The following FREM2 variants were observed in gnomAD, a reference collection of about 807,000 sequenced individuals.
The protein encoded by FREM2 is FRAS1-related extracellular matrix protein 2.
Under a neutral mutation model 219.9 loss-of-function variants are expected in FREM2, and 119 were observed. That is an observed-to-expected ratio of 0.54 (90% CI 0.47 to 0.63). FREM2 has a LOEUF of 0.63. Ranked by LOEUF, FREM2 falls within the 30% of genes least tolerant of loss-of-function variation. FREM2 has a pLI of 0.00. For synonymous variants in FREM2, 1,562 were observed against 1,522.8 expected, an observed-to-expected ratio of 1.03 and a Z score of -0.60; for missense variants, 4,030 against 3,993.6, an observed-to-expected ratio of 1.01 and a Z score of -0.25.
At chr13:38,797,301 C>T (rs929872802) in intron 6 of FREM2, among the ~76,000 whole-genome samples, 6 of 151,962 alleles carry the variant, frequency 3.9e-5, no homozygotes, top group East Asian at 3.9e-4. Flanking sequence ...GCCAGTCTAA[C>T]GGGTAAGATG....
Position 38,850,955 on chromosome 13 carries a change from A to G in FREM2, c.6589A>G (p.Lys2197Glu), listed in dbSNP as rs1877346406. 3 of 1,612,340 alleles carry G rather than the reference A, an allele frequency of 1.9e-6. No individual in the cohort carries two copies. The highest frequency in any genetic ancestry group is 1.7e-6 in the Non-Finnish European group (2 of 1,179,910). Residue 2197 changes from lysine to glutamate, a missense_variant, in exon 10 of 24, where the codon AAG becomes GAG. This residue lies in a region of FREM2 where 3,102 missense variants were observed against 2,950.7 expected (regional missense o/e 1.05). Transcript: ENST00000280481. ...IITFLPGETE[K>E]PCILELMDDV... ...CATTATTGTTCCAGGTGAGACAGAA[A>G]AGCCCTGCATTCTTGAGCTGATGGA... is the stretch of plus-strand genomic sequence containing the variant.
At chr13:38,754,886 G>T (rs574186048) in intron 2 of FREM2, among the ~76,000 whole-genome samples, 451 of 82,836 alleles carry the variant, frequency 5.4e-3, no homozygotes, top group African/African-American at 7.5e-3. Flanking sequence ...TGATGATGAT[G>T]ATGATGATGA....
intron 7 of FREM2, among the ~76,000 whole-genome samples, chr13:38,847,182 T>G (rs1408113305): frequency 1.3e-5 from 2 of 150,206 alleles, no homozygotes; most frequent in African/African-American, 4.9e-5. Flanking sequence ...AAAGGTTTTT[T>G]CCACACTTCG....
chr13:38,700,013 A>G (rs1870279934), intron 2 of FREM2, among the ~76,000 whole-genome samples: 1 of 152,000 alleles, frequency 6.6e-6, no homozygotes, highest in African/African-American at 2.4e-5. Context: ...AAAATTGAGA[A>G]CTCTGTATGT....
intron 3 of FREM2, among the ~76,000 whole-genome samples, chr13:38,766,071 T>G (rs1157832554): frequency 6.6e-6 from 1 of 152,200 alleles, no homozygotes; most frequent in Non-Finnish European, 1.5e-5. Flanking sequence ...TACCGATTAT[T>G]AAAAATAGGT....
At chr13:38,836,045 C>T (rs1316810502) in intron 6 of FREM2, among the ~76,000 whole-genome samples, 1 of 152,126 alleles carries the variant, frequency 6.6e-6, no homozygotes, top group African/African-American at 2.4e-5. Context: ...ATGCTTCCAG[C>T]TTTTGCCCAT....
chr13:38,711,670 T>C lies in FREM2; in HGVS notation c.5263+13883T>C, dbSNP rs1377913032. On this transcript the variant is annotated intron_variant, in intron 2 of 23. Coordinates refer to ENST00000280481, the MANE Select transcript of FREM2 (RefSeq NM_207361.6). ...CTTTGATCATATCATAAGTGTATTA[T>C]ATTCATGCATAGATAGTTTTTAAAA... Among the ~76,000 whole-genome samples, 5 of 152,322 alleles carry C rather than the reference T, an allele frequency of 3.3e-5. No individual in the cohort carries two copies. The East Asian group carries it at 9.6e-4, about 29-fold the overall frequency.
intron 2 of FREM2, among the ~76,000 whole-genome samples, chr13:38,715,002 A>G (rs2442363): frequency 0.88 from 133,261 of 152,006 alleles, 58,504 homozygotes; most frequent in South Asian, 0.9. Flanking sequence ...TAAGGCAAGA[A>G]AATTGCTTTA....
intron 2 of FREM2, among the ~76,000 whole-genome samples, chr13:38,726,360 C>T (rs375164450): frequency 6.6e-6 from 1 of 152,086 alleles, no homozygotes; most frequent in Admixed American, 6.6e-5. Flanking sequence ...TGCTCTGGAT[C>T]GGATAGTTTG....
chr13:38,877,289 C>A, intron 21 of FREM2, 46 bp downstream of exon 21: 1 of 1,606,252 alleles, frequency 6.2e-7, no homozygotes, highest in Non-Finnish European at 8.5e-7. Flanking sequence ...TCATGTATAT[C>A]TTTTGTGCTT....
chr13:38,694,681 G>A (rs1369452570), intron 1 of FREM2, among the ~76,000 whole-genome samples: 1 of 152,112 alleles, frequency 6.6e-6, no homozygotes, highest in Non-Finnish European at 1.5e-5. Flanking sequence ...TTGACTAAAT[G>A]GTTCCTAGAA....
At chr13:38,787,528 G>A (rs1874377418) in intron 6 of FREM2, among the ~76,000 whole-genome samples, 1 of 151,960 alleles carries the variant, frequency 6.6e-6, no homozygotes, top group African/African-American at 2.4e-5. Context: ...AATGTTGACA[G>A]CAAACTTTGC....
At chr13:38,844,749 T>A (rs571108326) in intron 6 of FREM2, among the ~76,000 whole-genome samples, 1 of 152,216 alleles carries the variant, frequency 6.6e-6, no homozygotes, top group Non-Finnish European at 1.5e-5. Context: ...TTGCCAGGAA[T>A]GTGAAGAGAC....
At chr13:38,836,633 G>A (rs942191455) in intron 6 of FREM2, among the ~76,000 whole-genome samples, 1 of 152,152 alleles carries the variant, frequency 6.6e-6, no homozygotes, top group South Asian at 2.1e-4. Context: ...CTTGTTATTG[G>A]TCTGTTCAGG....
intron 11 of FREM2, among the ~76,000 whole-genome samples, chr13:38,855,288 G>A (rs1404793440): frequency 6.6e-6 from 1 of 152,074 alleles, no homozygotes; most frequent in Non-Finnish European, 1.5e-5. Context: ...AAGTCTTCTT[G>A]AAATATAATT....
intron 2 of FREM2, among the ~76,000 whole-genome samples, chr13:38,757,816 G>A (rs950644869): frequency 6.6e-6 from 1 of 151,902 alleles, no homozygotes; most frequent in African/African-American, 2.4e-5. Context: ...TCAAACTCCC[G>A]ACCTCAGGTG....
intron 2 of FREM2, among the ~76,000 whole-genome samples, chr13:38,736,503 C>T (rs542037336): frequency 1.3e-5 from 2 of 152,012 alleles, no homozygotes; most frequent in Non-Finnish European, 2.9e-5. Context: ...CATGTGAAAC[C>T]TTTTTGACGG....
chr13:38,853,334 A>C (rs1417854233), intron 11 of FREM2, among the ~76,000 whole-genome samples: 10 of 151,894 alleles, frequency 6.6e-5, no homozygotes, highest in Non-Finnish European at 1.0e-4. Context: ...AAAAAAAAAA[A>C]AACAAATCAG....
intron 4 of FREM2, among the ~76,000 whole-genome samples, chr13:38,781,369 T>C (rs1442772526): frequency 6.6e-6 from 1 of 152,158 alleles, no homozygotes; most frequent in Admixed American, 6.5e-5. Flanking sequence ...CTGTGTATCT[T>C]AGGCCCCTCT....
Sources: allele counts gnomAD v4.1 joint callset (sites outside exome capture counted in the v4.1 genomes callset), GRCh38; gene constraint gnomAD v4.1.1; regional missense constraint gnomAD v4.1.1; transcripts MANE v1.5; gene names NCBI Gene and HGNC (gene_info 2026-07-23, HGNC 2026-07-21).